Variants in ANO3 observed in about 807,000 individuals in gnomAD.
The protein encoded by ANO3 is anoctamin-3.
Under a neutral mutation model 144.8 loss-of-function variants are expected in ANO3, and 99 were observed. That is an observed-to-expected ratio of 0.68 (90% confidence interval 0.58 to 0.81). The LOEUF (loss-of-function observed/expected upper bound fraction) is 0.81. ANO3 is among the 30% of genes least tolerant of loss of function. The pLI is 0.00. For synonymous variants in ANO3, 414 were observed against 392.6 expected (o/e 1.05, Z -0.64); for missense variants, 905 against 1,202.2 (o/e 0.75, Z 3.66).
At chr11:26,474,279 A>C (rs181099983) in intron 4 of ANO3, among the ~76,000 whole-genome samples, 224 of 152,092 alleles carry the variant, frequency 1.5e-3, no homozygotes, top group Non-Finnish European at 2.6e-3. Flanking sequence ...TATATATTTT[A>C]AAGTAAAGTA....
chr11:26,618,427 G>T (rs545959923), intron 17 of ANO3, among the ~76,000 whole-genome samples: 1 of 151,918 alleles, frequency 6.6e-6, no homozygotes, highest in Non-Finnish European at 1.5e-5. Flanking sequence ...GTCATTTTTA[G>T]CTTGGACTGT....
chr11:26,578,594 C>T lies in ANO3; in HGVS notation c.1447+18815C>T, dbSNP rs182175171. ...TTCCTGGTGGCATGAGGATCAGTTC[C>T]TGGGGAGTGAGGGATGATCTGGAAA... On this transcript the variant is annotated intron_variant, in intron 14 of 26. Coordinates refer to ENST00000256737, the MANE Select transcript of ANO3 (RefSeq NM_031418.4). 6.2e-4 allele frequency among the ~76,000 whole-genome samples: 94 copies of T among 152,250 alleles called. No individual in the cohort carries two copies. In the South Asian group the frequency reaches 7.5e-3, roughly 12 times the overall value.
At chr11:26,467,144 G>C in intron 4 of ANO3, among the ~76,000 whole-genome samples, 1 of 151,842 alleles carries the variant, frequency 6.6e-6, no homozygotes, top group East Asian at 1.9e-4. Flanking sequence ...AACATGCAAT[G>C]TTTTAAACAG....
chr11:26,355,504 T>C (rs1362935193), intron 1 of ANO3, among the ~76,000 whole-genome samples: 1 of 151,172 alleles, frequency 6.6e-6, no homozygotes, highest in Non-Finnish European at 1.5e-5. Context: ...TCCACAACCG[T>C]TCTACACTGT....
rs926631675 is a variant in ANO3 at position 26,657,544 on chromosome 11, A to G, written c.2763+1063A>G. Among the ~76,000 whole-genome samples the G allele has an allele frequency of 4.6e-5, 7 of 152,162 alleles. No homozygotes were observed. In the East Asian group the frequency reaches 1.2e-3, roughly 25 times the overall value. ...CAAAGCAAACTGTCATCATTGATCC[A>G]TGTAATTTCCTCACTATTTTTTTCT... On this transcript the variant is annotated intron_variant, in intron 26 of 26. Coordinates refer to ENST00000256737, the MANE Select transcript of ANO3 (RefSeq NM_031418.4).
chr11:26,371,032 GA>G (rs2133937943), intron 1 of ANO3, among the ~76,000 whole-genome samples: 1 of 152,324 alleles, frequency 6.6e-6, no homozygotes, highest in African/African-American at 2.4e-5. Flanking sequence ...AGACAATGGG[GA>G]AAATGTCTTC....
intron 1 of ANO3, among the ~76,000 whole-genome samples, chr11:26,216,198 CTT>C (rs1462156621): frequency 6.6e-6 from 1 of 151,948 alleles, no homozygotes; most frequent in Non-Finnish European, 1.5e-5. Flanking sequence ...AGGGTTGCCT[CTT>C]TGTGTCATAA....
chr11:26,498,885 A>G (rs192109394), intron 4 of ANO3, among the ~76,000 whole-genome samples: 7 of 152,072 alleles, frequency 4.6e-5, no homozygotes, highest in Non-Finnish European at 7.4e-5. Context: ...TTAAGCTTTG[A>G]AAAAATGTAA....
chr11:26,560,975 G>A (rs1850264483), intron 14 of ANO3: 2 of 1,291,648 alleles, frequency 1.5e-6, no homozygotes, highest in South Asian at 1.4e-5. Context: ...CCACGTGACA[G>A]TAATTTTGTG....
intron 23 of ANO3, among the ~76,000 whole-genome samples, chr11:26,647,051 G>T (rs753200688): frequency 3.3e-5 from 5 of 152,018 alleles, no homozygotes; most frequent in Non-Finnish European, 7.4e-5. Flanking sequence ...TTTTTTCCAG[G>T]ATATTTTTTT....
chr11:26,226,873 A>G (rs1852268263), intron 1 of ANO3, among the ~76,000 whole-genome samples: 1 of 152,160 alleles, frequency 6.6e-6, no homozygotes, highest in Non-Finnish European at 1.5e-5. Flanking sequence ...AGCCATCACC[A>G]TCATCCATTT....
chr11:26,333,515 C>G (rs1177955619), intron 1 of ANO3, among the ~76,000 whole-genome samples: 2 of 152,084 alleles, frequency 1.3e-5, no homozygotes, highest in Non-Finnish European at 2.9e-5. Flanking sequence ...ATCTCCTGAC[C>G]TCGTGATCCG....
At chr11:26,262,913 A>T (rs1853224021) in intron 1 of ANO3, among the ~76,000 whole-genome samples, 1 of 152,184 alleles carries the variant, frequency 6.6e-6, no homozygotes, top group Non-Finnish European at 1.5e-5. Context: ...TAAGCCACCC[A>T]GTCTAAGGTA....
At chr11:26,452,580 T>A (rs530061487) in intron 3 of ANO3, among the ~76,000 whole-genome samples, 2 of 152,176 alleles carry the variant, frequency 1.3e-5, no homozygotes, top group African/African-American at 4.8e-5. Flanking sequence ...TGGGACTATG[T>A]GAAAAGACCA....
intron 1 of ANO3, among the ~76,000 whole-genome samples, chr11:26,387,163 A>T (rs1183903813): frequency 7.0e-6 from 1 of 143,550 alleles, no homozygotes; most frequent in African/African-American, 2.6e-5. Context: ...TAGTAGAGAC[A>T]GGGTTTCACC....
intron 1 of ANO3, among the ~76,000 whole-genome samples, chr11:26,200,878 CA>C (rs1468529175): frequency 6.6e-6 from 1 of 152,102 alleles, no homozygotes; most frequent in African/African-American, 2.4e-5. Context: ...TGATTCAAAA[CA>C]TATTTACCTC....
chr11:26,240,388 G>A (rs1262599676), intron 1 of ANO3, among the ~76,000 whole-genome samples: 11 of 152,144 alleles, frequency 7.2e-5, no homozygotes, highest in Admixed American at 6.5e-4. Context: ...TGGCATAGCT[G>A]TCTTCAGAGA....
intron 1 of ANO3, among the ~76,000 whole-genome samples, chr11:26,348,138 T>C (rs1448897035): frequency 2.0e-5 from 3 of 152,234 alleles, no homozygotes; most frequent in Non-Finnish European, 4.4e-5. Context: ...CTCCTCTTAC[T>C]TTATTCCTGA....
At chr11:26,329,430 A>G (rs1299298166), upstream of ANO3, among the ~76,000 whole-genome samples, 1 of 151,990 alleles carries the variant, frequency 6.6e-6, no homozygotes, top group Non-Finnish European at 1.5e-5. Flanking sequence ...CTGTTCCTCT[A>G]GCAACCTCCC....
Sources: allele counts gnomAD v4.1 joint callset (sites outside exome capture counted in the v4.1 genomes callset), GRCh38; gene constraint gnomAD v4.1.1; transcripts MANE v1.5; gene names NCBI Gene and HGNC (gene_info 2026-07-23, HGNC 2026-07-21).